Variants in SLIT2 observed in about 807,000 individuals in gnomAD.
SLIT2 encodes slit homolog 2 protein.
A neutral mutation model predicts 185.7 loss-of-function variants in SLIT2; 41 were observed. The ratio of observed to expected loss-of-function variants is 0.22; its 90% CI spans 0.17 to 0.29. The LOEUF (loss-of-function observed/expected upper bound fraction) is 0.29. Among genes scored for constraint, SLIT2 ranks in the 10% least tolerant of loss-of-function variants. The pLI, the probability that SLIT2 is intolerant of heterozygous loss-of-function variation, is 1.00. For missense variants in SLIT2, 1,571 were observed against 1,909.0 expected (o/e 0.82, Z 3.30); for synonymous variants, 693 against 680.2 (o/e 1.02, Z -0.29).
At chr4:20,578,986 A>G (rs1726300250) in intron 29 of SLIT2, among the ~76,000 whole-genome samples, 1 of 152,100 alleles carries the variant, frequency 6.6e-6, no homozygotes, top group Non-Finnish European at 1.5e-5. Flanking sequence ...ATTTCTTGGT[A>G]GATAGAAAGC....
intron 4 of SLIT2, among the ~76,000 whole-genome samples, chr4:20,441,729 G>A (rs149195941): frequency 1.8e-3 from 277 of 152,178 alleles, no homozygotes; most frequent in Non-Finnish European, 3.1e-3. Flanking sequence ...TGTAAACATG[G>A]GTCCTACCTG....
intron 9 of SLIT2, among the ~76,000 whole-genome samples, chr4:20,508,659 A>T (rs1719424533): frequency 6.6e-6 from 1 of 152,088 alleles, no homozygotes; most frequent in African/African-American, 2.4e-5. Flanking sequence ...ATATGCAAGC[A>T]AAAAAACACT....
chr4:20,345,269 A>C (rs1011664206), intron 4 of SLIT2, among the ~76,000 whole-genome samples: 1 of 152,106 alleles, frequency 6.6e-6, no homozygotes, highest in African/African-American at 2.4e-5. Context: ...TTCTCTCTTT[A>C]GTCTGTCTTG....
At chr4:20,510,387 A>G in intron 9 of SLIT2, 108 bp from the exon 10 acceptor site, 1 of 750,950 alleles carries the variant, frequency 1.3e-6, no homozygotes, top group South Asian at 1.6e-5. Context: ...AAAATATATC[A>G]CTCATGAAGA....
rs539444921 is a variant in SLIT2 at position 20,254,964 on chromosome 4, C to T, written c.179+970C>T. 2.0e-5 allele frequency: 9 copies of T among 456,312 alleles called. No homozygotes were observed. The highest frequency in any genetic ancestry group is 1.2e-4 in the African/African-American group (6 of 50,218). The allele number at this position is 456,312 out of a possible 1,614,324, so 28.3% of individuals were successfully genotyped here. On this transcript the variant is annotated intron_variant, in intron 1 of 36. Transcript: ENST00000504154. The surrounding 1 kb of genome is among the most constrained non-coding windows in gnomAD (Gnocchi z 5.1). The stretch of plus-strand genomic sequence containing the variant: ...GAAGTAAATGCAGACCCGGTGTTGA[C>T]GGCCCACGCGCTCCTGATGAGGCGC...
At chr4:20,566,800 G>T (rs1363715224) in intron 26 of SLIT2, among the ~76,000 whole-genome samples, 1 of 151,990 alleles carries the variant, frequency 6.6e-6, no homozygotes, top group African/African-American at 2.4e-5. Flanking sequence ...CAGGTGCATT[G>T]TATTGTGTAT....
At chr4:20,463,368 G>A (rs995824614) in intron 4 of SLIT2, among the ~76,000 whole-genome samples, 18 of 145,746 alleles carry the variant, frequency 1.2e-4, no homozygotes, top group Non-Finnish European at 2.7e-4. Flanking sequence ...TTCCTTCTTT[G>A]ATCTGTGTCC....
rs1279564702 is a variant in SLIT2, at chr4:20,254,824, C to G, written c.179+830C>G. 4.7e-5 allele frequency: 20 copies of G among 426,472 alleles called. No homozygotes were observed. The highest frequency in any genetic ancestry group is 3.3e-4 in the South Asian group (19 of 57,778). 26.4% of individuals were successfully genotyped at this position (426,472 alleles called of 1,614,324 possible). ...GCTGAACCCCTGCGTCCCCATCCAC[C>G]TTTCTGGCAGTTTCTGCGCCCCTTC... On this transcript the variant is annotated intron_variant, in intron 1 of 36. Transcript: ENST00000504154. The surrounding 1 kb of genome is among the most constrained non-coding windows in gnomAD (Gnocchi z 5.1).
intron 10 of SLIT2, among the ~76,000 whole-genome samples, 170 bp downstream of exon 10, chr4:20,510,736 CTA>C (rs940843322): frequency 3.3e-5 from 5 of 152,006 alleles, no homozygotes; most frequent in African/African-American, 4.8e-5. Context: ...AATATCTAAA[CTA>C]TGTAATTTTT....
intron 4 of SLIT2, among the ~76,000 whole-genome samples, chr4:20,460,694 A>G (rs1713606933): frequency 6.6e-6 from 1 of 152,196 alleles, no homozygotes; most frequent in South Asian, 2.1e-4. Flanking sequence ...GAGATCAGGT[A>G]GGCACCATTT....
At chr4:20,288,863 C>G (rs903969412) in intron 4 of SLIT2, among the ~76,000 whole-genome samples, 1 of 152,148 alleles carries the variant, frequency 6.6e-6, no homozygotes, top group African/African-American at 2.4e-5. Flanking sequence ...GGTTCATAGT[C>G]AGTGAGAGAG....
At chr4:20,334,061 G>A (rs1315591566) in intron 4 of SLIT2, among the ~76,000 whole-genome samples, 1 of 152,078 alleles carries the variant, frequency 6.6e-6, no homozygotes, top group East Asian at 1.9e-4. Flanking sequence ...TCAGTAATTT[G>A]TGTATTGTAT....
intron 26 of SLIT2, among the ~76,000 whole-genome samples, chr4:20,566,759 A>C (rs139015204): frequency 6.6e-6 from 1 of 152,092 alleles, no homozygotes; most frequent in African/African-American, 2.4e-5. Context: ...TCCTATATGA[A>C]AGTCGTACTA....
At chr4:20,403,162 T>C (rs994192772) in intron 4 of SLIT2, among the ~76,000 whole-genome samples, 33 of 151,948 alleles carry the variant, frequency 2.2e-4, no homozygotes, top group Non-Finnish European at 7.4e-5. Flanking sequence ...AATATTGCTA[T>C]GTCATACATT....
intron 5 of SLIT2, among the ~76,000 whole-genome samples, chr4:20,468,406 T>C (rs1046356349): frequency 6.6e-5 from 10 of 152,228 alleles, no homozygotes; most frequent in African/African-American, 2.4e-4. Flanking sequence ...TCCCTTTGTG[T>C]GAGTGTATTT....
At chr4:20,437,231 A>G (rs2148693411) in intron 4 of SLIT2, among the ~76,000 whole-genome samples, 1 of 152,284 alleles carries the variant, frequency 6.6e-6, no homozygotes, top group East Asian at 1.9e-4. Flanking sequence ...TAACATGTGC[A>G]AAACTGAATT....
chr4:20,484,936 G>T lies in SLIT2; in HGVS notation c.540-1264G>T, dbSNP rs1235637432. 6.6e-6 allele frequency among the ~76,000 whole-genome samples: 1 copy of T among 151,952 alleles called. No individual in the cohort carries two copies. The highest frequency in any genetic ancestry group is 2.4e-5 in the African/African-American group (1 of 41,392). ...CTCTTGCCCATCATTGTATATTTTT[G>T]CACGTGGCCTGCTTCGCTCATTTCT... On this transcript the variant is annotated intron_variant, in intron 6 of 36. Coordinates refer to ENST00000504154, the MANE Select transcript of SLIT2 (RefSeq NM_004787.4). The surrounding 1 kb of genome is among the most constrained non-coding windows in gnomAD (Gnocchi z 4.3).
intron 9 of SLIT2, among the ~76,000 whole-genome samples, chr4:20,508,594 C>T (rs1229557446): frequency 6.6e-6 from 1 of 151,764 alleles, no homozygotes; most frequent in Non-Finnish European, 1.5e-5. Flanking sequence ...AAAATATGCT[C>T]AAAATTCTAT....
At chr4:20,440,980 A>G (rs1729697167) in intron 4 of SLIT2, among the ~76,000 whole-genome samples, 1 of 151,942 alleles carries the variant, frequency 6.6e-6, no homozygotes, top group African/African-American at 2.4e-5. Flanking sequence ...TATAACCCCA[A>G]CTTCACTGAA....
Sources: gnomAD v4.1 joint callset for allele counts (sites outside exome capture counted in the v4.1 genomes callset) on GRCh38, gnomAD v4.1.1 for gene constraint, Gnocchi (gnomAD v3.1) non-coding constraint, MANE v1.5 for transcripts, NCBI Gene and HGNC (gene_info 2026-07-23, HGNC 2026-07-21) for gene names.